Variants in TMEM123 observed in about 807,000 individuals in gnomAD.
The protein encoded by TMEM123 is transmembrane protein 123, also known as porimin.
Under a neutral mutation model 19.7 loss-of-function variants are expected in TMEM123, and 16 were observed. That is an observed-to-expected ratio of 0.81 (90% confidence interval 0.55 to 1.23). The LOEUF (loss-of-function observed/expected upper bound fraction) is 1.23, where lower values mean the gene tolerates loss of function less well. Among genes scored for constraint, TMEM123 ranks in the 50% most tolerant of loss-of-function variants. The pLI, the probability that TMEM123 is intolerant of heterozygous loss-of-function variation, is 0.00. For synonymous variants in TMEM123, 118 were observed against 99.4 expected, an observed-to-expected ratio of 1.19 and a Z score of -1.12; for missense variants, 313 against 257.8, an observed-to-expected ratio of 1.21 and a Z score of -1.47.
In TMEM123 at chr11:102,402,113, G is replaced by C; in HGVS notation, c.251C>G (p.Thr84Arg). ...PTSVASDSSN[T>R]TVTTMKPTAA... ...TGTAGGTTTCATGGTGGTGACCGTT[G>C]TATTACTGGAGTCTGAGGCAACTGA... is the stretch of plus-strand genomic sequence containing the variant. Residue 84 changes from threonine (T) to arginine (R), a missense_variant, in exon 3 of 5, where the codon ACA becomes AGA. Coordinates refer to ENST00000398136, the MANE Select transcript of TMEM123 (RefSeq NM_052932.3). The C allele has an allele frequency of 6.2e-7, 1 of 1,614,140 alleles. No individual in the cohort carries two copies. Among genetic ancestry groups the C allele is most frequent in the Non-Finnish European group, 8.5e-7 (1 of 1,180,004 alleles).
chr11:102,444,904 C>A (rs1391478118), intron 2 of TMEM123, among the ~76,000 whole-genome samples: 1 of 151,502 alleles, frequency 6.6e-6, no homozygotes, highest in Non-Finnish European at 1.5e-5. Context: ...TCATTCTCAG[C>A]AAACTATCCG....
chr11:102,414,262 A>C (rs1186953719), intron 2 of TMEM123, among the ~76,000 whole-genome samples: 1 of 152,188 alleles, frequency 6.6e-6, no homozygotes, highest in Non-Finnish European at 1.5e-5. Flanking sequence ...AAAACAAGCA[A>C]TCTGGAAAAC....
At chr11:102,444,624 C>T (rs1035017414) in intron 2 of TMEM123, among the ~76,000 whole-genome samples, 1 of 151,900 alleles carries the variant, frequency 6.6e-6, no homozygotes, top group Non-Finnish European at 1.5e-5. Context: ...ACCAACATGG[C>T]ATATGTATAC....
At chr11:102,441,529 G>A (rs1268501311) in intron 2 of TMEM123, among the ~76,000 whole-genome samples, 1 of 152,122 alleles carries the variant, frequency 6.6e-6, no homozygotes, top group Non-Finnish European at 1.5e-5. Flanking sequence ...GAATCTCTGG[G>A]ACACATTTAA....
chr11:102,437,135 T>G (rs1591564995), intron 2 of TMEM123, among the ~76,000 whole-genome samples: 1 of 151,844 alleles, frequency 6.6e-6, no homozygotes, highest in East Asian at 2.0e-4. Flanking sequence ...GTGTGCTTTT[T>G]CAGTTTGTGT....
At chr11:102,442,072 CA>C (rs1370761729) in intron 2 of TMEM123, among the ~76,000 whole-genome samples, 2 of 152,070 alleles carry the variant, frequency 1.3e-5, no homozygotes, top group African/African-American at 4.8e-5. Context: ...GCCTACCAAC[CA>C]AAAAAAGTCC....
chr11:102,410,824 A>G (rs1368297338), intron 2 of TMEM123, among the ~76,000 whole-genome samples: 2 of 152,148 alleles, frequency 1.3e-5, no homozygotes, highest in Non-Finnish European at 2.9e-5. Context: ...AGAAGGAAAC[A>G]ACACAGTTAC....
intron 2 of TMEM123, among the ~76,000 whole-genome samples, chr11:102,411,684 G>GA (rs796687491): frequency 0.016 from 2,340 of 142,268 alleles, 31 homozygotes; most frequent in African/African-American, 0.038. Flanking sequence ...GCAGAGGTGG[G>GA]AAAAAAAAAA....
Position 102,402,076 on chromosome 11 carries a change from A to G in TMEM123, c.288T>C (p.Asn96=). The change falls in exon 3 of 5, where the codon AAT becomes AAC. Residue 96 remains asparagine, a synonymous_variant. Transcript: ENST00000398136. ...TTGAGACCATCCCTGGTGTTGTTGTATTAGATGCCGCTGTAGGTTTCATGG... is the reference window on the plus strand; with the variant it reads ...TTGAGACCATCCCTGGTGTTGTTGTGTTAGATGCCGCTGTAGGTTTCATGG... The part of the protein sequence containing the change: ...VTTMKPTAAS[N]TTTPGMVSTN... 6.2e-7 allele frequency: 1 copy of G among 1,614,124 alleles called. No individual in the cohort carries two copies. Among genetic ancestry groups the G allele is most frequent in the South Asian group, 1.1e-5 (1 of 91,074 alleles).
chr11:102,420,867 G>A (rs1410579086), intron 2 of TMEM123, among the ~76,000 whole-genome samples: 1 of 152,152 alleles, frequency 6.6e-6, no homozygotes, highest in African/African-American at 2.4e-5. Flanking sequence ...GGCCAACATG[G>A]TGAAACCCTG....
At chr11:102,441,451 C>T (rs904717679) in intron 2 of TMEM123, among the ~76,000 whole-genome samples, 3 of 152,080 alleles carry the variant, frequency 2.0e-5, no homozygotes, top group Admixed American at 6.5e-5. Flanking sequence ...CTACTGGGTA[C>T]ATAACAAAAT....
chr11:102,396,719 A>T lies in TMEM123; in HGVS notation c.*2148T>A, dbSNP rs933497329. On this transcript the variant is annotated 3_prime_UTR_variant, in exon 5 of 5. Coordinates refer to ENST00000398136, the MANE Select transcript of TMEM123 (RefSeq NM_052932.3). ...AGATAACAACAACAAAAAAACCTAC[A>T]TTCAAAGTACGGGTATTTGAAAGTA... 4 of 152,228 alleles carry T rather than the reference A, an allele frequency of 2.6e-5. No individual in the cohort carries two copies. The highest frequency in any genetic ancestry group is 2.6e-4 in the Admixed American group (4 of 15,278). 9.4% of individuals were successfully genotyped at this position (152,228 alleles called of 1,614,324 possible).
At chr11:102,422,751 TTA>T (rs2090082094) in intron 2 of TMEM123, among the ~76,000 whole-genome samples, 3 of 152,236 alleles carry the variant, frequency 2.0e-5, no homozygotes, top group Admixed American at 1.3e-4. Flanking sequence ...GCACTCAATA[TTA>T]TGTTTATGAA....
intron 2 of TMEM123, among the ~76,000 whole-genome samples, chr11:102,413,821 A>C (rs1190455593): frequency 1.3e-5 from 2 of 152,200 alleles, no homozygotes; most frequent in Non-Finnish European, 2.9e-5. Flanking sequence ...TCTTACCTCC[A>C]AAGAACCATA....
Position 102,402,006 on chromosome 11 carries a change from T to C in TMEM123, c.358A>G (p.Ser120Gly), listed in dbSNP as rs945894353. 6 of 1,613,716 alleles carry C rather than the reference T, an allele frequency of 3.7e-6. No individual in the cohort carries two copies. In the African/African-American group the frequency reaches 4.0e-5, roughly 11 times the overall value. Residue 120 changes from serine (S) to glycine (G), a missense_variant, in exon 3 of 5, where the codon AGT becomes GGT. Physicochemically the swap from Ser to Gly is moderately conservative, Grantham distance 56. Transcript: ENST00000398136. Reference protein sequence around the residue: ...TTLKSTPKTTSVSQNTSQIST... With the variant: ...TTLKSTPKTTGVSQNTSQIST... ...ATCTGAGATGTGTTCTGTGAAACAC[T>C]TGTTGTTTTGGGTGTAGACTTTAAG...
At chr11:102,438,195 T>G (rs1319423168) in intron 2 of TMEM123, among the ~76,000 whole-genome samples, 1 of 151,960 alleles carries the variant, frequency 6.6e-6, no homozygotes, top group Non-Finnish European at 1.5e-5. Flanking sequence ...TGGGATCACA[T>G]GCACACATCA....
At chr11:102,443,019 A>G (rs1857843734) in intron 2 of TMEM123, among the ~76,000 whole-genome samples, 1 of 152,246 alleles carries the variant, frequency 6.6e-6, no homozygotes, top group Admixed American at 6.5e-5. Context: ...AAGGAGAACT[A>G]CAAACCACTG....
At chr11:102,400,986 A>T (rs1048142251) in intron 4 of TMEM123, among the ~76,000 whole-genome samples, 1 of 152,250 alleles carries the variant, frequency 6.6e-6, no homozygotes, top group African/African-American at 2.4e-5. Flanking sequence ...AGCTACATGT[A>T]GAGTAAACAT....
intron 2 of TMEM123, among the ~76,000 whole-genome samples, chr11:102,425,268 C>A (rs1184981472): frequency 6.6e-6 from 1 of 152,172 alleles, no homozygotes; most frequent in Non-Finnish European, 1.5e-5. Flanking sequence ...AATGTAAGAA[C>A]AAGGATGAAA....
Sources: allele counts gnomAD v4.1 joint callset (sites outside exome capture counted in the v4.1 genomes callset), GRCh38; gene constraint gnomAD v4.1.1; transcripts MANE v1.5; gene names NCBI Gene and HGNC (gene_info 2026-07-23, HGNC 2026-07-21).